Variants in SPRED1 observed in about 807,000 individuals in gnomAD.
The protein encoded by SPRED1 is sprouty-related, EVH1 domain-containing protein 1.
In SPRED1, 18 loss-of-function variants were observed where a neutral mutation model predicts 52.3. The observed-to-expected ratio is 0.34, with a 90% CI of 0.24 to 0.51. The LOEUF (loss-of-function observed/expected upper bound fraction) is 0.51, where lower values mean the gene tolerates loss of function less well. SPRED1 is among the 20% of genes least tolerant of loss of function. The probability of loss-of-function intolerance (pLI) is 0.97; values close to 1 mark genes in which losing one functional copy is unlikely to be tolerated. For synonymous variants in SPRED1, 155 were observed against 179.7 expected (o/e 0.86, Z 1.10); for missense variants, 485 against 551.0 (o/e 0.88, Z 1.20).
intron 2 of SPRED1, among the ~76,000 whole-genome samples, chr15:38,310,104 T>C (rs1333608107): frequency 6.6e-6 from 1 of 151,190 alleles, no homozygotes; most frequent in Non-Finnish European, 1.5e-5. Flanking sequence ...ATATAAATTT[T>C]AGACTATTCT....
In SPRED1 at chr15:38,253,250, C is replaced by T. The variant is rs1341574642; in HGVS notation, c.32+33C>T. On this transcript the variant is annotated intron_variant, in intron 1 of 6. Coordinates refer to ENST00000299084, the MANE Select transcript of SPRED1 (RefSeq NM_152594.3). ...CCTCATTGATCTCGATTGCTAATCC[C>T]CCTCCCCCTATCCGCCCTCGGCTCT... 8 of 1,558,028 alleles carry T rather than the reference C, an allele frequency of 5.1e-6. No homozygotes were observed. The East Asian group carries it at 7.2e-5, about 14-fold the overall frequency.
At chr15:38,327,718 A>G (rs964885352) in intron 4 of SPRED1, among the ~76,000 whole-genome samples, 3 of 152,192 alleles carry the variant, frequency 2.0e-5, no homozygotes, top group Non-Finnish European at 2.9e-5. Context: ...CTAGAACTTC[A>G]TGGGGACTAT....
chr15:38,263,140 T>G (rs1894236692), intron 1 of SPRED1, among the ~76,000 whole-genome samples: 1 of 152,224 alleles, frequency 6.6e-6, no homozygotes, highest in Admixed American at 6.5e-5. Context: ...ATTATTTGAC[T>G]GAATGTGAAG....
intron 2 of SPRED1, among the ~76,000 whole-genome samples, chr15:38,315,334 G>A (rs1411320437): frequency 6.6e-6 from 1 of 151,832 alleles, no homozygotes; most frequent in African/African-American, 2.4e-5. Flanking sequence ...TCGTAAGATA[G>A]CAACTACAAT....
At chr15:38,264,778 T>C (rs1030298583) in intron 1 of SPRED1, among the ~76,000 whole-genome samples, 6 of 151,858 alleles carry the variant, frequency 4.0e-5, no homozygotes, top group Admixed American at 3.9e-4. Flanking sequence ...AAAAGGGTAT[T>C]GGGGAAGAGG....
Position 38,289,895 on chromosome 15 carries a change from G to A in SPRED1, c.33-9478G>A, listed in dbSNP as rs532786817. On this transcript the variant is annotated intron_variant, in intron 1 of 6. Coordinates refer to ENST00000299084, the MANE Select transcript of SPRED1 (RefSeq NM_152594.3). Reference sequence around the variant, plus strand: ...GTATAAATTTGTGTTGTTGTAAGCCGCTAAGTTTGTGGTAGTTGTTAGGAC... The same window carrying A: ...GTATAAATTTGTGTTGTTGTAAGCCACTAAGTTTGTGGTAGTTGTTAGGAC... Among the ~76,000 whole-genome samples the A allele has an allele frequency of 7.9e-5, 12 of 152,270 alleles. No individual in the cohort carries two copies. In the East Asian group the frequency reaches 1.7e-3, roughly 22 times the overall value.
intron 2 of SPRED1, among the ~76,000 whole-genome samples, chr15:38,312,026 C>T (rs180998453): frequency 2.8e-4 from 42 of 152,074 alleles, no homozygotes; most frequent in Admixed American, 4.6e-4. Flanking sequence ...GAAAAGACTT[C>T]AGTTCACTAT....
intron 5 of SPRED1, among the ~76,000 whole-genome samples, chr15:38,344,729 ATAAT>A (rs1489741086): frequency 1.3e-5 from 2 of 152,196 alleles, no homozygotes; most frequent in Non-Finnish European, 2.9e-5. Context: ...TGAATATTAA[ATAAT>A]TAATGTTGTA....
At position 38,354,642 on chromosome 15, in the gene SPRED1, G is replaced by C. The variant is rs1480949844; in HGVS notation, c.*2978G>C. On this transcript the variant is annotated 3_prime_UTR_variant, in exon 7 of 7. Transcript: ENST00000299084. ...ACCAGGGAAACCAGGAATAAGAACT[G>C]TCTCAAAGGAATTGTAAAATGGTTA... 1 of 152,156 alleles carries C rather than the reference G, an allele frequency of 6.6e-6. No homozygotes were observed. Among genetic ancestry groups the C allele is most frequent in the African/African-American group, 2.4e-5 (1 of 41,424 alleles). 9.4% of individuals were successfully genotyped at this position (152,156 alleles called of 1,614,324 possible).
intron 2 of SPRED1, among the ~76,000 whole-genome samples, chr15:38,300,252 T>C (rs1233105321): frequency 6.6e-6 from 1 of 152,178 alleles, no homozygotes; most frequent in African/African-American, 2.4e-5. Context: ...GTTTCATTTG[T>C]GGGCCAAAAA....
At chr15:38,285,949 A>G (rs534307594) in intron 1 of SPRED1, among the ~76,000 whole-genome samples, 2 of 152,274 alleles carry the variant, frequency 1.3e-5, no homozygotes, top group East Asian at 3.9e-4. Context: ...ACCCTTATTA[A>G]TGTTTTCAGA....
intron 5 of SPRED1, among the ~76,000 whole-genome samples, chr15:38,344,274 G>T (rs114195620): frequency 0.026 from 4,002 of 152,234 alleles, 188 homozygotes; most frequent in African/African-American, 0.092. Context: ...AGCAGGGAAA[G>T]AAAACACGGT....
intron 4 of SPRED1, among the ~76,000 whole-genome samples, chr15:38,336,540 C>G (rs1482133371): frequency 6.7e-6 from 1 of 149,798 alleles, no homozygotes; most frequent in African/African-American, 2.5e-5. Flanking sequence ...CTGAAGTTTT[C>G]TACTCTTCCC....
intron 1 of SPRED1, among the ~76,000 whole-genome samples, chr15:38,273,917 G>A (rs1894492481): frequency 6.6e-6 from 1 of 152,236 alleles, no homozygotes; most frequent in Non-Finnish European, 1.5e-5. Flanking sequence ...CTAAAGACTT[G>A]CTAAGACAAG....
At chr15:38,348,574 T>G (rs1896190091) in intron 5 of SPRED1, among the ~76,000 whole-genome samples, 4 of 152,068 alleles carry the variant, frequency 2.6e-5, no homozygotes, top group Admixed American at 2.6e-4. Context: ...ATTTGAAAAT[T>G]TTGCTATCTG....
intron 2 of SPRED1, among the ~76,000 whole-genome samples, chr15:38,300,173 T>C (rs1294382160): frequency 6.6e-6 from 1 of 151,914 alleles, no homozygotes; most frequent in Non-Finnish European, 1.5e-5. Context: ...ATTTTAAAAT[T>C]TCAGTTTAAC....
intron 1 of SPRED1, among the ~76,000 whole-genome samples, chr15:38,273,606 A>G (rs560035654): frequency 6.7e-6 from 1 of 149,402 alleles, no homozygotes; most frequent in Non-Finnish European, 1.5e-5. Flanking sequence ...TAGTGTTTTT[A>G]AAAAAATTAT....
intron 4 of SPRED1, among the ~76,000 whole-genome samples, chr15:38,335,225 T>C (rs1566871345): frequency 6.6e-6 from 1 of 152,058 alleles, no homozygotes; most frequent in Non-Finnish European, 1.5e-5. Context: ...ATACTTATTC[T>C]CCTCCCTGTC....
At chr15:38,311,823 G>A (rs1333767165) in intron 2 of SPRED1, among the ~76,000 whole-genome samples, 1 of 152,088 alleles carries the variant, frequency 6.6e-6, no homozygotes, top group Non-Finnish European at 1.5e-5. Flanking sequence ...TGCTAGAGAT[G>A]TATCAATTGT....
Sources: gnomAD v4.1 joint callset for allele counts (sites outside exome capture counted in the v4.1 genomes callset) on GRCh38, gnomAD v4.1.1 for gene constraint, MANE v1.5 for transcripts, NCBI Gene and HGNC (gene_info 2026-07-23, HGNC 2026-07-21) for gene names.